The following ADAMTS13 variants were observed in gnomAD, a reference collection of about 807,000 sequenced individuals.
ADAMTS13 encodes the protein ADAM metallopeptidase with thrombospondin type 1 motif 13.
Under a neutral mutation model 155.1 loss-of-function variants are expected in ADAMTS13, and 110 were observed. The ratio of observed to expected loss-of-function variants is 0.71; its 90% confidence interval spans 0.61 to 0.83. The LOEUF is 0.83. Ranked by LOEUF, ADAMTS13 falls within the 40% of genes least tolerant of loss-of-function variation. ADAMTS13 has a pLI of 0.00. For missense variants in ADAMTS13, 1,707 were observed against 1,891.7 expected (o/e 0.90, Z 1.81); for synonymous variants, 758 against 756.4 (o/e 1.00, Z -0.03).
At chr9:133,451,814 C>T (rs782262935) in intron 23 of ADAMTS13, among the ~76,000 whole-genome samples, 1 of 144,726 alleles carries the variant, frequency 6.9e-6, no homozygotes, top group Non-Finnish European at 1.5e-5. Flanking sequence ...TCACCTGAAC[C>T]TTGGGAAGTC....
intron 23 of ADAMTS13, among the ~76,000 whole-genome samples, chr9:133,451,923 A>G (rs1842457842): frequency 7.0e-6 from 1 of 143,436 alleles, no homozygotes; most frequent in Non-Finnish European, 1.5e-5. Flanking sequence ...AAAAGATTTT[A>G]CTTAAATTTA....
chr9:133,431,580 G>A (rs1554787488), intron 8 of ADAMTS13, among the ~76,000 whole-genome samples: 10 of 152,128 alleles, frequency 6.6e-5, no homozygotes. Context: ...GCCCGCCTTG[G>A]CCTCCCAAAG....
rs372461655 is a variant in ADAMTS13 at position 133,432,653 on chromosome 9, C to T, written c.1053C>T (p.Leu351=). Residue 351 remains leucine (L), a synonymous_variant, in exon 9 of 29, where the codon CTC becomes CTT. Transcript: ENST00000355699. ...PLDQSSCSRL[L]VPLLDGTECG... The stretch of plus-strand genomic sequence containing the variant: ...ACCAAAGCAGCTGCAGCCGCCTCCT[C>T]GTTCCTCTCCTGGATGGGACAGAAT... 1.6e-5 allele frequency: 25 copies of T among 1,559,566 alleles called. No homozygotes were observed. The African/African-American group carries it at 2.6e-4, about 16-fold the overall frequency.
chr9:133,423,810 G>T (rs922146776), intron 2 of ADAMTS13, among the ~76,000 whole-genome samples: 1 of 152,234 alleles, frequency 6.6e-6, no homozygotes, highest in Admixed American at 6.5e-5. Flanking sequence ...TGCAGCCGAC[G>T]CTGTCTGGGT....
intron 21 of ADAMTS13, among the ~76,000 whole-genome samples, chr9:133,447,515 C>T (rs936589202): frequency 7.2e-5 from 11 of 152,208 alleles, no homozygotes; most frequent in Admixed American, 3.3e-4. Context: ...GATCCTTCTG[C>T]CTCGGCCTCT....
At chr9:133,416,085 A>T (rs1217875954) in intron 1 of ADAMTS13, among the ~76,000 whole-genome samples, 1 of 152,212 alleles carries the variant, frequency 6.6e-6, no homozygotes, top group Non-Finnish European at 1.5e-5. Context: ...ATGGTTTTGC[A>T]GGTTGTACAA....
chr9:133,431,407 A>C (rs1588162571), intron 8 of ADAMTS13, among the ~76,000 whole-genome samples: 1 of 147,940 alleles, frequency 6.8e-6, no homozygotes, highest in Non-Finnish European at 1.5e-5. Context: ...GCTTACTGCA[A>C]CCTCCGCCTC....
Position 133,454,574 on chromosome 9 carries a change from C to A in ADAMTS13, c.3204C>A (p.Leu1068=). The A allele has an allele frequency of 6.2e-7, 1 of 1,606,972 alleles. No individual in the cohort carries two copies. Among genetic ancestry groups the A allele is most frequent in the Non-Finnish European group, 8.5e-7 (1 of 1,179,864 alleles). Residue 1068 remains leucine, a synonymous_variant, in exon 24 of 29, where the codon CTC becomes CTA. Coordinates refer to ENST00000355699, the MANE Select transcript of ADAMTS13 (RefSeq NM_139027.6). ...GGCCCGAGGCCAGTGTCCCCTGTCT[C>A]ATTGCCGACTGCACCTACCGCTGGC... The part of the protein sequence containing the change: ...LVRPEASVPC[L]IADCTYRWHV...
chr9:133,426,364 T>C lies in ADAMTS13; in HGVS notation c.686+19T>C. 1 of 1,599,172 alleles carries C rather than the reference T, an allele frequency of 6.3e-7. No homozygotes were observed. Among genetic ancestry groups the C allele is most frequent in the Non-Finnish European group, 8.5e-7 (1 of 1,179,926 alleles). ...GGCACAGGTATGTAGCCCCACCAGCTGTCCCCAGGATCTGGCAAGGAGCTG... is the reference window on the plus strand; with the variant it reads ...GGCACAGGTATGTAGCCCCACCAGCCGTCCCCAGGATCTGGCAAGGAGCTG... On this transcript the variant is annotated intron_variant, in intron 6 of 28. Coordinates refer to ENST00000355699, the MANE Select transcript of ADAMTS13 (RefSeq NM_139027.6).
In ADAMTS13 at chr9:133,433,534, C is replaced by A. The variant is rs781862532; in HGVS notation, c.1244+5C>A. On this transcript the variant is annotated splice_donor_5th_base_variant and intron_variant, in intron 10 of 28. Coordinates refer to ENST00000355699, the MANE Select transcript of ADAMTS13 (RefSeq NM_139027.6). ...GCGGCAGTGCAACAACCCCAGGTAC[C>A]GCAGGGAGGGTGCTTTTCTGTCAGG... The A allele has an allele frequency of 1.4e-5, 22 of 1,613,630 alleles. No homozygotes were observed. The highest frequency in any genetic ancestry group is 1.9e-5 in the Non-Finnish European group (22 of 1,179,972).
rs374840594 is a variant in ADAMTS13 at position 133,442,498 on chromosome 9, G to A, written c.2068G>A (p.Ala690Thr). 26 of 1,613,686 alleles carry A rather than the reference G, an allele frequency of 1.6e-5. No individual in the cohort carries two copies. Among genetic ancestry groups the A allele is most frequent in the Middle Eastern group, 1.6e-4 (1 of 6,062 alleles). The change falls in exon 17 of 29, where the codon GCT (alanine) becomes ACT (threonine). Residue 690 changes from alanine (A) to threonine (T), a missense_variant. Around this residue, in one of 3 missense-constraint regions of ADAMTS13, gnomAD observed 961 missense variants for 1,107.9 expected, o/e 0.87. Transcript: ENST00000355699. ...PKPRQAWVWAAVRGPCSVSCG... is the reference protein window; with the variant it reads ...PKPRQAWVWATVRGPCSVSCG... ...GCCACGGCAGGCCTGGGTGTGGGCC[G>A]CTGTGCGTGGGCCCTGCTCGGTGAG... is the stretch of plus-strand genomic sequence containing the variant.
chr9:133,418,652 G>GC (rs895168930), upstream of ADAMTS13, among the ~76,000 whole-genome samples: 19 of 152,202 alleles, frequency 1.2e-4, no homozygotes, highest in Non-Finnish European at 7.3e-5. Flanking sequence ...GATCGATTGA[G>GC]CAAGCAGGGG....
chr9:133,417,496 G>A, upstream of ADAMTS13: 2 of 1,006,352 alleles, frequency 2.0e-6, no homozygotes, highest in Non-Finnish European at 3.0e-6. Context: ...GTGAAAAGCT[G>A]TTTACAAGAT....
intron 28 of ADAMTS13, among the ~76,000 whole-genome samples, chr9:133,458,473 T>G (rs1554796848): frequency 7.5e-6 from 1 of 133,490 alleles, no homozygotes; most frequent in Non-Finnish European, 1.5e-5. Flanking sequence ...CAAGAATCAC[T>G]TGAACCCGGG....
intron 2 of ADAMTS13, among the ~76,000 whole-genome samples, 187 bp downstream of exon 2, chr9:133,423,354 C>T (rs1293895576): frequency 6.6e-6 from 1 of 152,132 alleles, no homozygotes; most frequent in Non-Finnish European, 1.5e-5. Context: ...TCTGGGTGTT[C>T]CAGCCAGGCC....
chr9:133,422,573 G>C (rs782127586), intron 1 of ADAMTS13, 25 bp downstream of exon 1: 2 of 1,612,214 alleles, frequency 1.2e-6, no homozygotes, highest in Admixed American at 1.7e-5. Flanking sequence ...AGGAGCGGGG[G>C]TATTCTGGGA....
At chr9:133,457,502 C>G (rs587629256) in intron 27 of ADAMTS13, among the ~76,000 whole-genome samples, 2 of 152,266 alleles carry the variant, frequency 1.3e-5, no homozygotes, top group Non-Finnish European at 2.9e-5. Flanking sequence ...CCCGCCCACA[C>G]AGGCATCTGC....
Position 133,449,937 on chromosome 9 carries a change from G to GCCTGCAGCCTGGAGC in ADAMTS13, c.3022_3036dup (p.Ser1008_Cys1012dup). On this transcript the variant is annotated inframe_insertion, in exon 23 of 29. Transcript: ENST00000355699. Reference sequence around the variant, plus strand: ...GCTGCCTCGCCCGGAACCCCAGGAGGCCTGCAGCCTGGAGCCCTGCCCACC... The same window carrying GCCTGCAGCCTGGAGC: ...GCTGCCTCGCCCGGAACCCCAGGAGGCCTGCAGCCTGGAGCCCTGCAGCCTGGAGCCCTGCCCACC... 1 of 1,609,016 alleles carries GCCTGCAGCCTGGAGC rather than the reference G, an allele frequency of 6.2e-7. No homozygotes were observed. The highest frequency in any genetic ancestry group is 1.1e-5 in the South Asian group (1 of 90,356).
intron 11 of ADAMTS13, among the ~76,000 whole-genome samples, chr9:133,434,907 C>G (rs1841060569): frequency 6.6e-6 from 1 of 152,186 alleles, no homozygotes; most frequent in African/African-American, 2.4e-5. Context: ...GCCTGCCTTC[C>G]TCCCCCAGCG....
Sources: allele counts gnomAD v4.1 joint callset (sites outside exome capture counted in the v4.1 genomes callset), GRCh38; gene constraint gnomAD v4.1.1; regional missense constraint gnomAD v4.1.1; transcripts MANE v1.5; gene names NCBI Gene and HGNC (gene_info 2026-07-23, HGNC 2026-07-21).